USP6NL: variants seen among roughly 807,000 people sequenced by gnomAD.
The protein encoded by USP6NL is USP6 N-terminal-like protein.
Under a neutral mutation model 61.9 loss-of-function variants are expected in USP6NL, and 26 were observed. The observed-to-expected ratio is 0.42, with a 90% CI of 0.31 to 0.58. The LOEUF (loss-of-function observed/expected upper bound fraction) is 0.58, where lower values mean the gene tolerates loss of function less well. Ranked by LOEUF, USP6NL falls within the 20% of genes least tolerant of loss-of-function variation. The pLI is 0.16. For missense variants in USP6NL, 1,114 were observed against 1,034.3 expected (o/e 1.08, Z -1.06); for synonymous variants, 432 against 390.1 (o/e 1.11, Z -1.27).
chr10:11,517,863 C>G (rs903569242), intron 5 of USP6NL, among the ~76,000 whole-genome samples: 1 of 152,320 alleles, frequency 6.6e-6, no homozygotes, highest in South Asian at 2.1e-4. Flanking sequence ...CCCCCACTTT[C>G]ATTCTACAGT....
Position 11,481,852 on chromosome 10 carries a change from GA to G in USP6NL, c.995del (p.Phe332SerfsTer7). 1 of 1,612,512 alleles carries G rather than the reference GA, an allele frequency of 6.2e-7. No homozygotes were observed. The highest frequency in any genetic ancestry group is 8.5e-7 in the Non-Finnish European group (1 of 1,179,314). Reference sequence around the variant, plus strand: ...GCTCTATCACAAAATCATCTTCAAAGAAAAAATCCTTTGCCAGGGTCTCCTG... The same window carrying G: ...GCTCTATCACAAAATCATCTTCAAAGAAAAATCCTTTGCCAGGGTCTCCTG... ...FFQETLAKDF[F>X]FEDDFVIEQL... On this transcript the variant is annotated frameshift_variant, in exon 14 of 15. Coordinates refer to ENST00000609104, the MANE Select transcript of USP6NL (RefSeq NM_014688.5). LOFTEE classifies it high-confidence loss of function. The surrounding 1 kb of genome is among the most constrained non-coding windows in gnomAD (Gnocchi z 4.4).
chr10:11,550,208 T>C (rs1418461944), intron 2 of USP6NL, among the ~76,000 whole-genome samples: 1 of 152,214 alleles, frequency 6.6e-6, no homozygotes, highest in Non-Finnish European at 1.5e-5. Context: ...ATCTCGATGA[T>C]ACTGGGTTAG....
In USP6NL at chr10:11,528,871, C is replaced by A. The variant is rs1348001466; in HGVS notation, c.5-1304G>T. Among the ~76,000 whole-genome samples the A allele has an allele frequency of 1.3e-5, 2 of 152,100 alleles. No individual in the cohort carries two copies. Among genetic ancestry groups the A allele is most frequent in the African/African-American group, 4.8e-5 (2 of 41,412 alleles). ...GTCAAATCCCTGAAAGTTGAAGGGA[C>A]ATGCATGTGTGTAGCAGAGCCGGGT... On this transcript the variant is annotated intron_variant, in intron 2 of 14. Coordinates refer to ENST00000609104, the MANE Select transcript of USP6NL (RefSeq NM_014688.5). The surrounding 1 kb of genome is among the most constrained non-coding windows in gnomAD (Gnocchi z 4.6).
rs1259877212 is a variant in USP6NL at position 11,499,437 on chromosome 10, G to A, written c.384+1664C>T. ...CTGAAAATTAGAGTACTATTAGCAG[G>A]CAAGCTGGGATGAATAGTGTCCCTC... is the stretch of plus-strand genomic sequence containing the variant. On this transcript the variant is annotated intron_variant, in intron 7 of 14. Transcript: ENST00000609104. The surrounding 1 kb of genome is among the most constrained non-coding windows in gnomAD (Gnocchi z 4.5). 6.6e-6 allele frequency among the ~76,000 whole-genome samples: 1 copy of A among 152,158 alleles called. No individual in the cohort carries two copies. Among genetic ancestry groups the A allele is most frequent in the African/African-American group, 2.4e-5 (1 of 41,432 alleles).
chr10:11,532,121 C>A lies in USP6NL; in HGVS notation c.5-4554G>T. The A allele has an allele frequency of 7.9e-7, 1 of 1,268,534 alleles. No homozygotes were observed. The highest frequency in any genetic ancestry group is 1.1e-6 in the Non-Finnish European group (1 of 910,090). The allele number at this position is 1,268,534 out of a possible 1,614,324, so 78.6% of individuals were successfully genotyped here. A position where few individuals can be genotyped will look rare whatever the true frequency, so the allele number is the denominator to read the frequency against. On this transcript the variant is annotated intron_variant, in intron 2 of 14. Coordinates refer to ENST00000609104, the MANE Select transcript of USP6NL (RefSeq NM_014688.5). This position sits in a 1 kb window ranked among gnomAD's most constrained non-coding sequence, Gnocchi z 4.1. ...ACAGCAGACCATTTTTCCTAGAGTACATTTTGACAGATGAACGTTAAAAAT... is the reference window on the plus strand; with the variant it reads ...ACAGCAGACCATTTTTCCTAGAGTAAATTTTGACAGATGAACGTTAAAAAT...
chr10:11,506,706 C>T (rs1452042246), intron 6 of USP6NL, among the ~76,000 whole-genome samples: 3 of 149,690 alleles, frequency 2.0e-5, no homozygotes, highest in Admixed American at 6.7e-5. Context: ...ACTGTGAGAA[C>T]AGAGGCAACA....
intron 2 of USP6NL, among the ~76,000 whole-genome samples, chr10:11,569,572 A>G (rs909329611): frequency 2.0e-5 from 3 of 152,236 alleles, no homozygotes; most frequent in African/African-American, 7.2e-5. Flanking sequence ...AAGTCAGAGA[A>G]CATGCTTTTT....
chr10:11,493,756 C>T (rs1024179714), intron 7 of USP6NL, among the ~76,000 whole-genome samples: 3 of 152,096 alleles, frequency 2.0e-5, no homozygotes, highest in African/African-American at 7.3e-5. Flanking sequence ...GCTGCTCCTG[C>T]CTGTGCGGCC....
At position 11,476,833 on chromosome 10, in the gene USP6NL, C is replaced by T. The variant is rs968462539; in HGVS notation, c.1078+4937G>A. 6.6e-6 allele frequency among the ~76,000 whole-genome samples: 1 copy of T among 152,126 alleles called. No homozygotes were observed. The highest frequency in any genetic ancestry group is 2.4e-5 in the African/African-American group (1 of 41,426). On this transcript the variant is annotated intron_variant, in intron 14 of 14. Transcript: ENST00000609104. The surrounding 1 kb of genome is among the most constrained non-coding windows in gnomAD (Gnocchi z 4.3). ...TTTCAACACTTTTACAAACCACCCC[C>T]ATACTATGAAATAAATAAATCAAGC...
intron 5 of USP6NL, among the ~76,000 whole-genome samples, chr10:11,514,240 T>C (rs1354824691): frequency 8.9e-6 from 1 of 111,754 alleles, no homozygotes; most frequent in Non-Finnish European, 2.2e-5. Context: ...GAATCAATTA[T>C]GGGGCGCATA....
rs1835045422 is a variant in USP6NL at position 11,518,370 on chromosome 10, C to T, written c.195+165G>A. 6.6e-6 allele frequency among the ~76,000 whole-genome samples: 1 copy of T among 152,188 alleles called. No homozygotes were observed. On this transcript the variant is annotated intron_variant, in intron 5 of 14. Transcript: ENST00000609104. The surrounding 1 kb of genome is among the most constrained non-coding windows in gnomAD (Gnocchi z 5.3). ...CTCCTAAAATCTCCTAATATTATTT[C>T]ACCATTAACTATTATCTTACAGTGG...
In USP6NL at chr10:11,596,607, G is replaced by C. The variant is rs913317316; in HGVS notation, c.4+1024C>G. 6.7e-6 allele frequency among the ~76,000 whole-genome samples: 1 copy of C among 149,586 alleles called. No homozygotes were observed. Among genetic ancestry groups the C allele is most frequent in the African/African-American group, 2.5e-5 (1 of 40,508 alleles). ...CCACTGCACTGCAGCCTGGGCGACA[G>C]AGGGAGACTCCGTCTCAAAAAAAAA... On this transcript the variant is annotated intron_variant, in intron 2 of 14. Transcript: ENST00000609104. The surrounding 1 kb of genome is among the most constrained non-coding windows in gnomAD (Gnocchi z 4.1).
chr10:11,492,814 CAA>C (rs1265422124), intron 8 of USP6NL, among the ~76,000 whole-genome samples: 2 of 152,156 alleles, frequency 1.3e-5, no homozygotes, highest in Non-Finnish European at 2.9e-5. Flanking sequence ...TGATCACTGA[CAA>C]AGTTTTTACA....
rs1555171619 is a variant in USP6NL at position 11,560,714 on chromosome 10, T to TTTTA, written c.5-33148_5-33147insTAAA. On this transcript the variant is annotated intron_variant, in intron 2 of 14. Coordinates refer to ENST00000609104, the MANE Select transcript of USP6NL (RefSeq NM_014688.5). ...CCAAACAGTAAAAAATATATATATA[T>TTTTA]TATATATATATATATATATATTCAA... is the stretch of plus-strand genomic sequence containing the variant. 2.7e-3 allele frequency among the ~76,000 whole-genome samples: 387 copies of TTTTA among 141,308 alleles called. 1 individual carries two copies. The highest frequency in any genetic ancestry group is 4.4e-3 in the Non-Finnish European group (286 of 65,334). The allele number at this position is 141,308 out of a possible 152,430, so 92.7% of individuals were successfully genotyped here. A position where few individuals can be genotyped will look rare whatever the true frequency, so the allele number is the denominator to read the frequency against.
chr10:11,496,148 C>T lies in USP6NL; in HGVS notation c.385-2920G>A, dbSNP rs764309247. Among the ~76,000 whole-genome samples, 12 of 152,206 alleles carry T rather than the reference C, an allele frequency of 7.9e-5. No individual in the cohort carries two copies. Among genetic ancestry groups the T allele is most frequent in the Non-Finnish European group, 1.3e-4 (9 of 68,034 alleles). On this transcript the variant is annotated intron_variant, in intron 7 of 14. Transcript: ENST00000609104. The surrounding 1 kb of genome is among the most constrained non-coding windows in gnomAD (Gnocchi z 5.4). ...AGCAGCTCACCCTCAGCAAGGTCTG[C>T]GTTTTCCCTAGTCCAGAGGCCCTCT...
intron 7 of USP6NL, 56 bp from the exon 8 acceptor site, chr10:11,493,284 C>A: frequency 7.1e-7 from 1 of 1,417,916 alleles, no homozygotes; most frequent in Non-Finnish European, 9.6e-7. Context: ...TTGTTGAAAA[C>A]TCTATGACAA....
At position 11,501,211 on chromosome 10, in the gene USP6NL, TA is replaced by T; in HGVS notation, c.277-4del. ...CCTTTGTAAATTCGCCTATGAAACT[TA>T]TTAAAAGAAAAAGAAACTGAAGGTT... On this transcript the variant is annotated splice_region_variant and splice_polypyrimidine_tract_variant and intron_variant, in intron 6 of 14. Coordinates refer to ENST00000609104, the MANE Select transcript of USP6NL (RefSeq NM_014688.5). 6.2e-7 allele frequency: 1 copy of T among 1,602,716 alleles called. No individual in the cohort carries two copies. Among genetic ancestry groups the T allele is most frequent in the Non-Finnish European group, 8.5e-7 (1 of 1,176,050 alleles).
rs1837463431 is a variant in USP6NL at position 11,574,227 on chromosome 10, C to T, written c.4+23404G>A. ...AAATGTGGATAAAAATAAAATCTAT[C>T]TTGCTAACTCTAAGCTCCCAGATTT... On this transcript the variant is annotated intron_variant, in intron 2 of 14. Transcript: ENST00000609104. The surrounding 1 kb of genome is among the most constrained non-coding windows in gnomAD (Gnocchi z 4.3). 6.6e-6 allele frequency among the ~76,000 whole-genome samples: 1 copy of T among 152,192 alleles called. No individual in the cohort carries two copies. The highest frequency in any genetic ancestry group is 1.5e-5 in the Non-Finnish European group (1 of 68,028).
chr10:11,552,297 C>T (rs1836519630), intron 2 of USP6NL, among the ~76,000 whole-genome samples: 1 of 152,174 alleles, frequency 6.6e-6, no homozygotes, highest in East Asian at 1.9e-4. Context: ...TGACAGTGAA[C>T]TTAAACAAGT....
Sources: allele counts gnomAD v4.1 joint callset (sites outside exome capture counted in the v4.1 genomes callset), GRCh38; gene constraint gnomAD v4.1.1; non-coding constraint Gnocchi (gnomAD v3.1); transcripts MANE v1.5; gene names NCBI Gene and HGNC (gene_info 2026-07-23, HGNC 2026-07-21).